Variants in DDX10 observed in about 807,000 individuals in gnomAD.
DDX10 encodes DEAD-box helicase 10.
A neutral mutation model predicts 104.3 loss-of-function variants in DDX10; 74 were observed. The observed-to-expected ratio is 0.71, with a 90% confidence interval of 0.59 to 0.86. The LOEUF is 0.86. Ranked by LOEUF, DDX10 falls within the 40% of genes least tolerant of loss-of-function variation. The probability of loss-of-function intolerance (pLI) is 0.00; values close to 1 mark genes in which losing one functional copy is unlikely to be tolerated. For missense variants in DDX10, 952 were observed against 1,040.0 expected, an observed-to-expected ratio of 0.92 and a Z score of 1.16; for synonymous variants, 351 against 353.4, an observed-to-expected ratio of 0.99 and a Z score of 0.08.
chr11:108,871,178 C>T (rs1420872805), intron 16 of DDX10, among the ~76,000 whole-genome samples: 1 of 151,876 alleles, frequency 6.6e-6, no homozygotes, highest in Non-Finnish European at 1.5e-5. Flanking sequence ...AAAAGATGTT[C>T]TATACTGTGG....
chr11:108,874,951 A>G (rs1367258434), intron 16 of DDX10, among the ~76,000 whole-genome samples: 1 of 152,174 alleles, frequency 6.6e-6, no homozygotes, highest in African/African-American at 2.4e-5. Flanking sequence ...CCTTAGAGCA[A>G]TTTCCCCATT....
chr11:108,940,849 A>G lies in DDX10; in HGVS notation c.*426A>G, dbSNP rs17108781. 6,268 of 214,164 alleles carry G rather than the reference A, an allele frequency of 0.029. 431 individuals are homozygous for G. The highest frequency in any genetic ancestry group is 0.13 in the African/African-American group (5,715 of 44,220). 13.3% of individuals were successfully genotyped at this position (214,164 alleles called of 1,614,324 possible). On this transcript the variant is annotated 3_prime_UTR_variant, in exon 18 of 18. Coordinates refer to ENST00000322536, the MANE Select transcript of DDX10 (RefSeq NM_004398.4). Reference sequence around the variant, plus strand: ...CGTATTTAATATTTTCAAAGAGACTATGATGGACCAGCCCTGAGAAAGAAT... The same window carrying G: ...CGTATTTAATATTTTCAAAGAGACTGTGATGGACCAGCCCTGAGAAAGAAT...
intron 10 of DDX10, among the ~76,000 whole-genome samples, chr11:108,712,216 C>T (rs1270409518): frequency 6.6e-6 from 1 of 152,186 alleles, no homozygotes; most frequent in African/African-American, 2.4e-5. Flanking sequence ...TTATTGTAGA[C>T]AACATACAGT....
At chr11:108,754,125 T>A (rs1025382688) in intron 13 of DDX10, among the ~76,000 whole-genome samples, 1 of 152,064 alleles carries the variant, frequency 6.6e-6, no homozygotes, top group South Asian at 2.1e-4. Context: ...TATAATGGCC[T>A]GTTTTCTGTT....
At chr11:108,670,587 A>G (rs1237114825) in intron 1 of DDX10, among the ~76,000 whole-genome samples, 2 of 152,088 alleles carry the variant, frequency 1.3e-5, no homozygotes, top group Non-Finnish European at 2.9e-5. Flanking sequence ...TCAGTCAACT[A>G]TGCTTCTCAC....
chr11:108,715,753 C>T, intron 10 of DDX10, 126 bp from the exon 11 acceptor site: 1 of 605,538 alleles, frequency 1.7e-6, no homozygotes, highest in Non-Finnish European at 3.0e-6. Context: ...TCCGTCTAAT[C>T]TGATTCATAG....
intron 13 of DDX10, among the ~76,000 whole-genome samples, chr11:108,770,377 G>A (rs1046297629): frequency 6.6e-6 from 1 of 151,456 alleles, no homozygotes; most frequent in African/African-American, 2.4e-5. Flanking sequence ...CAAATAGTAG[G>A]TCTTATTCAT....
At chr11:108,665,689 G>C (rs963125005) in intron 1 of DDX10, among the ~76,000 whole-genome samples, 4 of 152,052 alleles carry the variant, frequency 2.6e-5, no homozygotes, top group African/African-American at 9.7e-5. Context: ...TGTTTGACTT[G>C]ATCTGAGGTA....
intron 16 of DDX10, among the ~76,000 whole-genome samples, chr11:108,884,185 A>AT (rs1863263323): frequency 6.6e-6 from 1 of 152,046 alleles, no homozygotes; most frequent in South Asian, 2.1e-4. Context: ...AACTAGACAA[A>AT]TTTTTTATTT....
At chr11:108,886,561 G>A (rs1358272126) in intron 16 of DDX10, among the ~76,000 whole-genome samples, 4 of 152,062 alleles carry the variant, frequency 2.6e-5, no homozygotes, top group Non-Finnish European at 5.9e-5. Flanking sequence ...GAATTTTGCC[G>A]TTGAAAATCC....
At chr11:108,939,685 G>A (rs1864081297) in intron 17 of DDX10, among the ~76,000 whole-genome samples, 1 of 152,088 alleles carries the variant, frequency 6.6e-6, no homozygotes, top group Non-Finnish European at 1.5e-5. Flanking sequence ...CTGCAATAAT[G>A]TTTGCTTTCT....
chr11:108,819,424 G>T (rs1366593223), intron 13 of DDX10, among the ~76,000 whole-genome samples: 1 of 152,062 alleles, frequency 6.6e-6, no homozygotes, highest in African/African-American at 2.4e-5. Context: ...AATATAAATT[G>T]CCTATTTCAT....
intron 13 of DDX10, among the ~76,000 whole-genome samples, chr11:108,740,642 G>A (rs1178555147): frequency 6.6e-6 from 1 of 152,016 alleles, no homozygotes; most frequent in African/African-American, 2.4e-5. Flanking sequence ...AACTTTGCCA[G>A]TGTCTGTTAT....
intron 16 of DDX10, among the ~76,000 whole-genome samples, chr11:108,872,157 A>T (rs574531046): frequency 7.7e-4 from 118 of 152,324 alleles, no homozygotes; most frequent in African/African-American, 2.8e-3. Flanking sequence ...TCATCTTCTC[A>T]GTTGTTTCTG....
At chr11:108,936,224 A>T (rs1009726793) in intron 17 of DDX10, among the ~76,000 whole-genome samples, 2 of 152,086 alleles carry the variant, frequency 1.3e-5, no homozygotes, top group African/African-American at 4.8e-5. Flanking sequence ...TTACATGCTG[A>T]TTTTTTCTCT....
At chr11:108,668,254 G>T (rs2094212532) in intron 1 of DDX10, among the ~76,000 whole-genome samples, 1 of 152,180 alleles carries the variant, frequency 6.6e-6, no homozygotes, top group Non-Finnish European at 1.5e-5. Flanking sequence ...TTTGTGTAAG[G>T]TTAAACAGCT....
chr11:108,848,112 C>T (rs1293467358), intron 15 of DDX10, among the ~76,000 whole-genome samples: 3 of 152,112 alleles, frequency 2.0e-5, no homozygotes, highest in African/African-American at 7.2e-5. Flanking sequence ...GGAGATTTTT[C>T]ATGTTTCCAG....
chr11:108,777,386 G>A (rs1375509902), intron 13 of DDX10, among the ~76,000 whole-genome samples: 1 of 151,914 alleles, frequency 6.6e-6, no homozygotes, highest in Non-Finnish European at 1.5e-5. Context: ...CTGGAGTGCA[G>A]TGGCACCATC....
chr11:108,859,028 G>A (rs953325639), intron 16 of DDX10, among the ~76,000 whole-genome samples: 1 of 152,146 alleles, frequency 6.6e-6, no homozygotes, highest in Non-Finnish European at 1.5e-5. Context: ...GGTGAATGTT[G>A]CATTTGATGC....
Sources: allele counts gnomAD v4.1 joint callset (sites outside exome capture counted in the v4.1 genomes callset), GRCh38; gene constraint gnomAD v4.1.1; transcripts MANE v1.5; gene names NCBI Gene and HGNC (gene_info 2026-07-23, HGNC 2026-07-21).